The following MAPKAPK5 variants were observed in gnomAD, a reference collection of about 807,000 sequenced individuals.
MAPKAPK5 encodes MAP kinase-activated protein kinase 5.
MAPKAPK5 carries 30 observed loss-of-function variants against 65.1 expected under a neutral mutation model. That is an observed-to-expected ratio of 0.46 (90% CI 0.34 to 0.63). MAPKAPK5 has a LOEUF of 0.63. Among genes scored for constraint, MAPKAPK5 ranks in the 20% least tolerant of loss-of-function variants. The pLI is 0.01. For missense variants in MAPKAPK5, 433 were observed against 581.4 expected, an observed-to-expected ratio of 0.74 and a Z score of 2.63; for synonymous variants, 179 against 204.6, an observed-to-expected ratio of 0.87 and a Z score of 1.07.
chr12:111,843,435 CT>C (rs200989666), intron 1 of MAPKAPK5: 32,283 of 303,734 alleles, frequency 0.11, no homozygotes, highest in Middle Eastern at 0.15. Flanking sequence ...CTGTTTTTAA[CT>C]TTTTTTTTTT....
rs749717017 is a variant in MAPKAPK5, at chr12:111,866,135, AT to A, written c.111-13del. The A allele has an allele frequency of 2.4e-5, 38 of 1,559,958 alleles. No homozygotes were observed. Among genetic ancestry groups the A allele is most frequent in the South Asian group, 1.6e-4 (14 of 85,176 alleles). On this transcript the variant is annotated intron_variant, in intron 2 of 13. Coordinates refer to ENST00000550735, the MANE Select transcript of MAPKAPK5 (RefSeq NM_003668.4). ...TTCTAACATATATGATCTCTGATTGATTTTTTTTCTCCAAATCTAGAGTCTG... is the reference window on the plus strand; with the variant it reads ...TTCTAACATATATGATCTCTGATTGATTTTTTTCTCCAAATCTAGAGTCTG...
intron 4 of MAPKAPK5, among the ~76,000 whole-genome samples, chr12:111,867,949 C>G (rs1286669835): frequency 1.3e-5 from 2 of 152,210 alleles, no homozygotes; most frequent in African/African-American, 4.8e-5. Flanking sequence ...ATGCCCCTAC[C>G]ACTCTTCACA....
At chr12:111,862,822 A>T (rs577684813) in intron 1 of MAPKAPK5, among the ~76,000 whole-genome samples, 1 of 152,228 alleles carries the variant, frequency 6.6e-6, no homozygotes, top group African/African-American at 2.4e-5. Flanking sequence ...CATAGAGTCT[A>T]CTGTGAGTGT....
Position 111,899,913 on chromosome 12 carries a change from C to T in MAPKAPK5, c.*6852C>T, listed in dbSNP as rs944432661. ...TAGCTGGCAACAAGGGAGCAGGAAG[C>T]CTCATGATCTACAGGCACTGTCCTA... On this transcript the variant is annotated 3_prime_UTR_variant, in exon 14 of 14. Coordinates refer to ENST00000550735, the MANE Select transcript of MAPKAPK5 (RefSeq NM_003668.4). 1 of 456,062 alleles carries T rather than the reference C, an allele frequency of 2.2e-6. No homozygotes were observed. Among genetic ancestry groups the T allele is most frequent in the East Asian group, 6.9e-5 (1 of 14,400 alleles). 28.3% of individuals were successfully genotyped at this position (456,062 alleles called of 1,614,324 possible). A position where few individuals can be genotyped will look rare whatever the true frequency, so the allele number is the denominator to read the frequency against.
chr12:111,899,464 G>T lies in MAPKAPK5; in HGVS notation c.*6403G>T, dbSNP rs1485882928. 2 of 163,410 alleles carry T rather than the reference G, an allele frequency of 1.2e-5. No individual in the cohort carries two copies. Among genetic ancestry groups the T allele is most frequent in the Non-Finnish European group, 2.7e-5 (2 of 73,728 alleles). The allele number at this position is 163,410 out of a possible 1,614,324, so 10.1% of individuals were successfully genotyped here. ...GTGATTTTTGTGCCAAGCATGTACT[G>T]TCACCTGGGATCAATCTATTACTCT... On this transcript the variant is annotated 3_prime_UTR_variant, in exon 14 of 14. Coordinates refer to ENST00000550735, the MANE Select transcript of MAPKAPK5 (RefSeq NM_003668.4).
At chr12:111,855,815 G>A (rs1481991213) in intron 1 of MAPKAPK5, among the ~76,000 whole-genome samples, 1 of 150,520 alleles carries the variant, frequency 6.6e-6, no homozygotes, top group Admixed American at 6.6e-5. Flanking sequence ...GACAAAGTGA[G>A]ACTCCATCTC....
At position 111,880,509 on chromosome 12, in the gene MAPKAPK5, G is replaced by A. The variant is rs755203575; in HGVS notation, c.642G>A (p.Thr214=). The part of the protein sequence containing the change: ...EKSGIIPTSP[T]PYTYNKSCDL... ...CTGGCATCATACCTACCTCACCGAC[G>A]CCCTACACTTACAACAAGGTACAGG... The change falls in exon 8 of 14, where the codon ACG becomes ACA. Residue 214 remains threonine, a synonymous_variant. Transcript: ENST00000550735. 3.7e-6 allele frequency: 6 copies of A among 1,613,458 alleles called. No individual in the cohort carries two copies. The highest frequency in any genetic ancestry group is 1.1e-5 in the South Asian group (1 of 91,044).
At chr12:111,855,974 G>T (rs1332122597) in intron 1 of MAPKAPK5, among the ~76,000 whole-genome samples, 1 of 150,528 alleles carries the variant, frequency 6.6e-6, no homozygotes, top group Non-Finnish European at 1.5e-5. Flanking sequence ...TCCTGCCTCA[G>T]CCTCCCGAGT....
intron 1 of MAPKAPK5, among the ~76,000 whole-genome samples, chr12:111,855,719 T>C (rs1283474070): frequency 6.6e-6 from 1 of 151,720 alleles, no homozygotes; most frequent in Non-Finnish European, 1.5e-5. Flanking sequence ...CCCAGCTACT[T>C]GGGAAGCTGA....
At chr12:111,852,648 G>T (rs909939038) in intron 1 of MAPKAPK5, among the ~76,000 whole-genome samples, 3 of 152,152 alleles carry the variant, frequency 2.0e-5, no homozygotes, top group Admixed American at 6.5e-5. Context: ...CGTTGTTCAA[G>T]GGTCAAGTAT....
intron 3 of MAPKAPK5, among the ~76,000 whole-genome samples, chr12:111,867,099 T>C (rs1165749355): frequency 2.6e-5 from 4 of 152,030 alleles, no homozygotes; most frequent in Non-Finnish European, 4.4e-5. Context: ...CTGGCTAATT[T>C]TGTTTGTATT....
At chr12:111,847,306 C>T (rs1462860809) in intron 1 of MAPKAPK5, among the ~76,000 whole-genome samples, 1 of 150,230 alleles carries the variant, frequency 6.7e-6, no homozygotes, top group Non-Finnish European at 1.5e-5. Context: ...TGAGATTGCT[C>T]CACTGTACTC....
intron 1 of MAPKAPK5, among the ~76,000 whole-genome samples, chr12:111,849,117 AT>A (rs1017903004): frequency 2.7e-5 from 4 of 150,370 alleles, no homozygotes; most frequent in African/African-American, 9.8e-5. Flanking sequence ...TTATTTTTTT[AT>A]TAATTTTTTT....
intron 8 of MAPKAPK5, among the ~76,000 whole-genome samples, chr12:111,880,816 G>T (rs144725970): frequency 1.1e-4 from 16 of 152,288 alleles, no homozygotes; most frequent in Non-Finnish European, 2.4e-4. Context: ...GGTAATTAGG[G>T]ACCGTGATCA....
chr12:111,893,158 C>T lies in MAPKAPK5; in HGVS notation c.*97C>T. The T allele has an allele frequency of 5.8e-6, 5 of 866,304 alleles. No individual in the cohort carries two copies. The highest frequency in any genetic ancestry group is 6.9e-6 in the Non-Finnish European group (4 of 581,876). The allele number at this position is 866,304 out of a possible 1,614,324, so 53.7% of individuals were successfully genotyped here. A position where few individuals can be genotyped will look rare whatever the true frequency, so the allele number is the denominator to read the frequency against. On this transcript the variant is annotated 3_prime_UTR_variant, in exon 14 of 14. Transcript: ENST00000550735. ...AATTAATAAATCATAATTTCATTTCCACATTGATTAAAGCTGCTGTATAGA... is the reference window on the plus strand; with the variant it reads ...AATTAATAAATCATAATTTCATTTCTACATTGATTAAAGCTGCTGTATAGA...
intron 1 of MAPKAPK5, among the ~76,000 whole-genome samples, chr12:111,861,218 G>A (rs892933754): frequency 2.6e-5 from 4 of 152,112 alleles, no homozygotes; most frequent in Admixed American, 2.6e-4. Context: ...ACTAGGGTCT[G>A]CCTTACTAGA....
At chr12:111,884,944 A>G (rs905360744) in intron 9 of MAPKAPK5, among the ~76,000 whole-genome samples, 4 of 152,212 alleles carry the variant, frequency 2.6e-5, no homozygotes, top group Non-Finnish European at 4.4e-5. Context: ...AAAATAGACA[A>G]GTACAAGTTT....
rs1174862300 is a variant in MAPKAPK5 at position 111,899,229 on chromosome 12, T to C, written c.*6168T>C. 1 of 152,504 alleles carries C rather than the reference T, an allele frequency of 6.6e-6. No individual in the cohort carries two copies. Among genetic ancestry groups the C allele is most frequent in the Non-Finnish European group, 1.5e-5 (1 of 68,306 alleles). 9.4% of individuals were successfully genotyped at this position (152,504 alleles called of 1,614,324 possible). A position where few individuals can be genotyped will look rare whatever the true frequency, so the allele number is the denominator to read the frequency against. On this transcript the variant is annotated 3_prime_UTR_variant, in exon 14 of 14. Coordinates refer to ENST00000550735, the MANE Select transcript of MAPKAPK5 (RefSeq NM_003668.4). ...CGAGGGAGAGCTCTGCTGATGGACA[T>C]AGGCCCAGAATCATTAACTGATTTA...
At chr12:111,881,824 A>G (rs2070243041) in intron 8 of MAPKAPK5, among the ~76,000 whole-genome samples, 1 of 152,210 alleles carries the variant, frequency 6.6e-6, no homozygotes, top group Non-Finnish European at 1.5e-5. Context: ...GATATAGATG[A>G]CAGAAGGGGC....
Sources: allele counts gnomAD v4.1 joint callset (sites outside exome capture counted in the v4.1 genomes callset), GRCh38; gene constraint gnomAD v4.1.1; transcripts MANE v1.5; gene names NCBI Gene and HGNC (gene_info 2026-07-23, HGNC 2026-07-21).